LRFN2: variants seen among roughly 807,000 people sequenced by gnomAD.
LRFN2 encodes leucine rich repeat and fibronectin type III domain containing 2.
LRFN2 carries 18 observed loss-of-function variants against 37.3 expected under a neutral mutation model. The ratio of observed to expected loss-of-function variants is 0.48; its 90% CI spans 0.33 to 0.72. The LOEUF (loss-of-function observed/expected upper bound fraction) is 0.72. Among genes scored for constraint, LRFN2 ranks in the 30% least tolerant of loss-of-function variants. The pLI is 0.02. For synonymous variants in LRFN2, 556 were observed against 466.6 expected, an observed-to-expected ratio of 1.19 and a Z score of -2.47; for missense variants, 1,006 against 1,060.7, an observed-to-expected ratio of 0.95 and a Z score of 0.72.
Position 40,392,671 on chromosome 6 carries a change from C to T in LRFN2, c.1642G>A (p.Val548Ile). ...IGGIIVATLL[V>I]FIVILMVRYK... ...CGCACCATGAGGATGACGATGAAGA[C>T]CAGCAGCGTGGCCACGATGATGCCC... is the stretch of plus-strand genomic sequence containing the variant. The change falls in exon 3 of 3, where the codon GTC becomes ATC. Residue 548 changes from valine (V) to isoleucine (I), a missense_variant. Val to Ile is a conservative substitution (Grantham distance 29). Transcript: ENST00000338305. This position sits in a 1 kb window ranked among gnomAD's most constrained non-coding sequence, Gnocchi z 4.7. The T allele has an allele frequency of 6.2e-7, 1 of 1,613,840 alleles. No homozygotes were observed. The highest frequency in any genetic ancestry group is 8.5e-7 in the Non-Finnish European group (1 of 1,180,028).
intron 1 of LRFN2, among the ~76,000 whole-genome samples, chr6:40,474,467 T>G (rs939932331): frequency 3.3e-5 from 5 of 152,154 alleles, no homozygotes; most frequent in Non-Finnish European, 4.4e-5. Context: ...AGGGCCTACT[T>G]TAATCCATTT....
At chr6:40,415,372 C>T (rs189789467) in intron 2 of LRFN2, among the ~76,000 whole-genome samples, 146 of 152,218 alleles carry the variant, frequency 9.6e-4, no homozygotes, top group Admixed American at 1.4e-3. Flanking sequence ...ATTACAGGCA[C>T]GTGCCACCAT....
chr6:40,449,180 A>C (rs1321431309), intron 1 of LRFN2, among the ~76,000 whole-genome samples: 2 of 152,244 alleles, frequency 1.3e-5, no homozygotes, highest in Non-Finnish European at 2.9e-5. Context: ...TCTCACTACA[A>C]AAGTGTTAAG....
At chr6:40,484,153 A>G (rs907340316) in intron 1 of LRFN2, among the ~76,000 whole-genome samples, 6 of 152,132 alleles carry the variant, frequency 3.9e-5, no homozygotes, top group African/African-American at 1.4e-4. Context: ...GACAGTACCA[A>G]CTGCCTCCTC....
chr6:40,499,910 C>T (rs551516064), intron 1 of LRFN2, among the ~76,000 whole-genome samples: 1 of 152,340 alleles, frequency 6.6e-6, no homozygotes, highest in South Asian at 2.1e-4. Context: ...GGAAGAACAG[C>T]AGCACCTACC....
chr6:40,519,389 A>G (rs1765983357), intron 1 of LRFN2, among the ~76,000 whole-genome samples: 1 of 152,156 alleles, frequency 6.6e-6, no homozygotes, highest in South Asian at 2.1e-4. Context: ...TCTTTTCTAT[A>G]AGACTTTGAA....
intron 1 of LRFN2, among the ~76,000 whole-genome samples, chr6:40,559,460 G>A (rs2113928616): frequency 6.6e-6 from 1 of 152,282 alleles, no homozygotes; most frequent in South Asian, 2.1e-4. Context: ...CAGCTGGGGT[G>A]GTCCCAGGCC....
In LRFN2 at chr6:40,532,536, T is replaced by C. The variant is rs1475377733; in HGVS notation, c.-19+54405A>G. ...GCCACACAGCCAGGAAGTGGCATAG[T>C]TGAAGATTAAATCCAAGTTGTCTGA... On this transcript the variant is annotated intron_variant, in intron 1 of 2. Transcript: ENST00000338305. Among the ~76,000 whole-genome samples the C allele has an allele frequency of 4.6e-5, 7 of 152,162 alleles. No individual in the cohort carries two copies. The East Asian group carries it at 1.3e-3, about 29-fold the overall frequency.
At chr6:40,445,190 G>A (rs1326068933) in intron 1 of LRFN2, among the ~76,000 whole-genome samples, 1 of 152,252 alleles carries the variant, frequency 6.6e-6, no homozygotes, top group Non-Finnish European at 1.5e-5. Context: ...TCCAAGGGAA[G>A]AGGGAAGTAT....
At chr6:40,582,184 G>C (rs1767416838) in intron 1 of LRFN2, among the ~76,000 whole-genome samples, 1 of 152,150 alleles carries the variant, frequency 6.6e-6, no homozygotes, top group Non-Finnish European at 1.5e-5. Flanking sequence ...GTGTTGAGGG[G>C]AGAGGACCCA....
At chr6:40,559,217 G>A (rs529668731) in intron 1 of LRFN2, among the ~76,000 whole-genome samples, 48 of 152,234 alleles carry the variant, frequency 3.2e-4, no homozygotes, top group African/African-American at 1.1e-3. Flanking sequence ...GGAGGGGTCA[G>A]CCTATAAATG....
intron 1 of LRFN2, among the ~76,000 whole-genome samples, chr6:40,449,679 G>A (rs148138727): frequency 5.9e-4 from 90 of 152,250 alleles, no homozygotes; most frequent in African/African-American, 2.1e-3. Context: ...CCCACAGTTT[G>A]TCTCTTTTTT....
chr6:40,469,129 A>G (rs1387117762), intron 1 of LRFN2, among the ~76,000 whole-genome samples: 1 of 152,172 alleles, frequency 6.6e-6, no homozygotes, highest in South Asian at 2.1e-4. Flanking sequence ...AGGGGAAGAC[A>G]CACAGAGAGG....
In LRFN2 at chr6:40,432,456, G is replaced by A. The variant is rs150204126; in HGVS notation, c.658C>T (p.Arg220Cys). 93 of 1,614,208 alleles carry A rather than the reference G, an allele frequency of 5.8e-5. No homozygotes were observed. The African/African-American group carries it at 7.1e-4, about 12-fold the overall frequency. ...QKLPPDPIFA[R>C]SQASALTATP... Reference sequence around the variant, plus strand: ...GCTGTCAAAGCCGAAGCCTGGGAGCGGGCAAAGATGGGATCAGGGGGCAGC... The same window carrying A: ...GCTGTCAAAGCCGAAGCCTGGGAGCAGGCAAAGATGGGATCAGGGGGCAGC... Residue 220 changes from arginine to cysteine, a missense_variant, in exon 2 of 3, where the codon CGC becomes TGC. This residue lies in a region of LRFN2 where 303 missense variants were observed against 299.8 expected (regional missense o/e 1.01). Transcript: ENST00000338305.
intron 1 of LRFN2, among the ~76,000 whole-genome samples, chr6:40,563,275 C>A (rs184978246): frequency 6.6e-6 from 1 of 152,324 alleles, no homozygotes; most frequent in East Asian, 1.9e-4. Flanking sequence ...TTATAATTCT[C>A]TCTCTCCTGC....
intron 1 of LRFN2, among the ~76,000 whole-genome samples, chr6:40,567,099 A>G (rs1168400912): frequency 6.6e-6 from 1 of 152,026 alleles, no homozygotes; most frequent in East Asian, 1.9e-4. Flanking sequence ...AGGAGAAGAC[A>G]CTTGATCAAG....
At chr6:40,442,199 A>G (rs557492542) in intron 1 of LRFN2, among the ~76,000 whole-genome samples, 2 of 152,332 alleles carry the variant, frequency 1.3e-5, no homozygotes, top group Admixed American at 6.5e-5. Flanking sequence ...GGAAGGGGCT[A>G]ATGAAGGGAG....
intron 1 of LRFN2, among the ~76,000 whole-genome samples, chr6:40,528,104 G>A (rs1766287423): frequency 6.6e-6 from 1 of 152,214 alleles, no homozygotes; most frequent in Non-Finnish European, 1.5e-5. Context: ...TTCCGCCAGA[G>A]TTTAAACACT....
rs150736158 is a variant in LRFN2, at chr6:40,432,226, G to A, written c.888C>T (p.His296=). 6.2e-7 allele frequency: 1 copy of A among 1,614,026 alleles called. No individual in the cohort carries two copies. The highest frequency in any genetic ancestry group is 8.5e-7 in the Non-Finnish European group (1 of 1,180,032). ...CEPPLITQHT[H]KLLVLEGQAA... Reference sequence around the variant, plus strand: ...CCTGGCCCTCCAGAACCAGCAACTTGTGTGTGTGCTGGGTGATGAGAGGCG... The same window carrying A: ...CCTGGCCCTCCAGAACCAGCAACTTATGTGTGTGCTGGGTGATGAGAGGCG... The change falls in exon 2 of 3, where the codon CAC becomes CAT. Residue 296 remains histidine, a synonymous_variant. Coordinates refer to ENST00000338305, the MANE Select transcript of LRFN2 (RefSeq NM_020737.3).
Sources: gnomAD v4.1 joint callset for allele counts (sites outside exome capture counted in the v4.1 genomes callset) on GRCh38, gnomAD v4.1.1 for gene constraint, gnomAD v4.1.1 regional missense constraint, Gnocchi (gnomAD v3.1) non-coding constraint, MANE v1.5 for transcripts, NCBI Gene and HGNC (gene_info 2026-07-23, HGNC 2026-07-21) for gene names.